FAM110B: variants seen among roughly 807,000 people sequenced by gnomAD.
The protein encoded by FAM110B is protein FAM110B.
In FAM110B, 6 loss-of-function variants were observed where a neutral mutation model predicts 20.4. The ratio of observed to expected loss-of-function variants is 0.29; its 90% CI spans 0.16 to 0.58. The LOEUF (loss-of-function observed/expected upper bound fraction) is 0.58, where lower values mean the gene tolerates loss of function less well. FAM110B is among the 20% of genes least tolerant of loss of function. FAM110B has a pLI of 0.90. For synonymous variants in FAM110B, 226 were observed against 214.1 expected (o/e 1.06, Z -0.49); for missense variants, 434 against 498.2 (o/e 0.87, Z 1.23).
chr8:58,132,801 A>G (rs2150635490), intron 3 of FAM110B, among the ~76,000 whole-genome samples: 1 of 152,358 alleles, frequency 6.6e-6, no homozygotes, highest in Non-Finnish European at 1.5e-5. Context: ...TTATACTGCA[A>G]GCAAAATTAT....
At chr8:58,107,375 C>A (rs568948429) in intron 3 of FAM110B, among the ~76,000 whole-genome samples, 1 of 151,988 alleles carries the variant, frequency 6.6e-6, no homozygotes, top group East Asian at 1.9e-4. Context: ...TAAAAGAAGG[C>A]CCACCGGGAT....
At chr8:58,053,992 A>T (rs1327690205) in intron 2 of FAM110B, among the ~76,000 whole-genome samples, 2 of 152,194 alleles carry the variant, frequency 1.3e-5, no homozygotes, top group Non-Finnish European at 2.9e-5. Flanking sequence ...AGAAAAAAGA[A>T]AGTGGTGTAC....
intron 1 of FAM110B, among the ~76,000 whole-genome samples, chr8:58,015,590 A>C (rs1471010713): frequency 6.6e-6 from 1 of 151,992 alleles, no homozygotes; most frequent in Non-Finnish European, 1.5e-5. Flanking sequence ...TCATGCCTGT[A>C]ATCTCAGCAC....
At chr8:58,070,310 G>GT (rs1485839266) in intron 2 of FAM110B, 1 of 152,266 alleles carries the variant, frequency 6.6e-6, no homozygotes, top group African/African-American at 2.4e-5. Flanking sequence ...GACAGAAGGC[G>GT]TTTGTCTTTG....
intron 1 of FAM110B, among the ~76,000 whole-genome samples, chr8:58,011,973 C>T (rs1441437755): frequency 6.6e-6 from 1 of 152,158 alleles, no homozygotes; most frequent in Non-Finnish European, 1.5e-5. Context: ...GAAGGATATT[C>T]CAGAGATGGC....
chr8:58,118,777 A>T (rs1366279465), intron 3 of FAM110B, among the ~76,000 whole-genome samples: 2 of 152,160 alleles, frequency 1.3e-5, no homozygotes, highest in African/African-American at 4.8e-5. Flanking sequence ...ATTCTTAGTG[A>T]TATAACTTCA....
chr8:58,069,273 T>A (rs1159693277), intron 2 of FAM110B, among the ~76,000 whole-genome samples: 1 of 152,190 alleles, frequency 6.6e-6, no homozygotes, highest in African/African-American at 2.4e-5. Flanking sequence ...TCATTAGAGC[T>A]TAGTATAGAG....
At chr8:58,003,622 T>C (rs1438299973) in intron 1 of FAM110B, among the ~76,000 whole-genome samples, 2 of 152,256 alleles carry the variant, frequency 1.3e-5, no homozygotes. Context: ...TTTATGTCTT[T>C]GTACATCTCT....
At chr8:58,041,644 A>G (rs752768160) in intron 2 of FAM110B, among the ~76,000 whole-genome samples, 4 of 152,242 alleles carry the variant, frequency 2.6e-5, no homozygotes, top group Non-Finnish European at 5.9e-5. Context: ...ACTACCCTGC[A>G]TGGTAAAATT....
At chr8:58,107,076 G>GT (rs1262154580) in intron 3 of FAM110B, among the ~76,000 whole-genome samples, 3 of 141,588 alleles carry the variant, frequency 2.1e-5, no homozygotes, top group Non-Finnish European at 4.6e-5. Flanking sequence ...ACTGGCGGTG[G>GT]TAAAAAAAAA....
chr8:58,055,582 C>A (rs1479075916), intron 2 of FAM110B, among the ~76,000 whole-genome samples: 1 of 152,212 alleles, frequency 6.6e-6, no homozygotes, highest in East Asian at 1.9e-4. Flanking sequence ...TTTTTCAAAG[C>A]ATGGCATTCT....
intron 2 of FAM110B, among the ~76,000 whole-genome samples, chr8:58,055,382 A>T (rs1333754698): frequency 6.6e-6 from 1 of 152,068 alleles, no homozygotes; most frequent in Non-Finnish European, 1.5e-5. Flanking sequence ...CTCTTCTCAT[A>T]CCTTGATATG....
At chr8:58,057,525 A>G (rs1805571589) in intron 2 of FAM110B, among the ~76,000 whole-genome samples, 1 of 152,128 alleles carries the variant, frequency 6.6e-6, no homozygotes, top group African/African-American at 2.4e-5. Context: ...AGGATCCAAA[A>G]TCTCTCAAAC....
At chr8:58,033,649 A>G (rs1225539348) in intron 2 of FAM110B, among the ~76,000 whole-genome samples, 6 of 152,244 alleles carry the variant, frequency 3.9e-5, no homozygotes. Flanking sequence ...CAAGCAGCCA[A>G]CAAACATGAA....
rs1807459478 is a variant in FAM110B at position 58,124,955 on chromosome 8, A to C, written c.-324-20952A>C. ...GTTCTTTGGTGCTGATTTTTTTAAA[A>C]TCTCTTATCAAAATATAACTTTAAA... On this transcript the variant is annotated intron_variant, in intron 3 of 3. Transcript: ENST00000519262. Among the ~76,000 whole-genome samples, 3 of 152,210 alleles carry C rather than the reference A, an allele frequency of 2.0e-5. No homozygotes were observed. The South Asian group carries it at 6.2e-4, about 31-fold the overall frequency.
intron 2 of FAM110B, among the ~76,000 whole-genome samples, chr8:58,067,872 C>T (rs933900014): frequency 4.6e-5 from 7 of 152,154 alleles, no homozygotes; most frequent in African/African-American, 9.7e-5. Context: ...ATAGGCCCCC[C>T]GCAGCCAAGT....
At chr8:58,074,892 A>G (rs545341162) in intron 2 of FAM110B, among the ~76,000 whole-genome samples, 1 of 152,308 alleles carries the variant, frequency 6.6e-6, no homozygotes, top group South Asian at 2.1e-4. Context: ...GAAGTAAGAT[A>G]TGATGCCACA....
chr8:58,105,556 A>ATTTTTTTTTTTTTTTT (rs71557704), intron 3 of FAM110B, among the ~76,000 whole-genome samples: 6 of 94,600 alleles, frequency 6.3e-5, no homozygotes, highest in Admixed American at 1.2e-4. Flanking sequence ...GAATGAATGA[A>ATTTTTTTTTTTTTTTT]TTTTTTTTTT....
At chr8:58,050,393 T>C (rs1805415443) in intron 2 of FAM110B, among the ~76,000 whole-genome samples, 2 of 152,180 alleles carry the variant, frequency 1.3e-5, no homozygotes, top group Admixed American at 1.3e-4. Flanking sequence ...TGGTTCCAAG[T>C]CTGCCATGGC....
Sources: gnomAD v4.1 joint callset for allele counts (sites outside exome capture counted in the v4.1 genomes callset) on GRCh38, gnomAD v4.1.1 for gene constraint, MANE v1.5 for transcripts, NCBI Gene and HGNC (gene_info 2026-07-23, HGNC 2026-07-21) for gene names.